The following CPNE5 variants were observed in gnomAD, a reference collection of about 807,000 sequenced individuals.
The protein encoded by CPNE5 is copine 5.
In CPNE5, 42 loss-of-function variants were observed where a neutral mutation model predicts 81.1. The observed-to-expected ratio is 0.52, with a 90% CI of 0.40 to 0.67. The LOEUF (loss-of-function observed/expected upper bound fraction) is 0.67, where lower values mean the gene tolerates loss of function less well. Ranked by LOEUF, CPNE5 falls within the 30% of genes least tolerant of loss-of-function variation. The probability of loss-of-function intolerance (pLI) is 0.00; values close to 1 mark genes in which losing one functional copy is unlikely to be tolerated. For synonymous variants in CPNE5, 313 were observed against 321.5 expected, an observed-to-expected ratio of 0.97 and a Z score of 0.28; for missense variants, 612 against 815.5, an observed-to-expected ratio of 0.75 and a Z score of 3.04.
chr6:36,818,318 C>T (rs1293632404), intron 3 of CPNE5, among the ~76,000 whole-genome samples: 1 of 152,220 alleles, frequency 6.6e-6, no homozygotes, highest in East Asian at 1.9e-4. Flanking sequence ...CCCTTCTCGT[C>T]GTTTCCCGTT....
At chr6:36,787,008 A>G (rs1768615270) in intron 8 of CPNE5, among the ~76,000 whole-genome samples, 1 of 152,208 alleles carries the variant, frequency 6.6e-6, no homozygotes, top group African/African-American at 2.4e-5. Context: ...AAGACCAAAA[A>G]AATTCAAACT....
intron 12 of CPNE5, among the ~76,000 whole-genome samples, chr6:36,762,271 T>TACACACACACGCAC (rs932029940): frequency 2.1e-5 from 3 of 140,938 alleles, no homozygotes; most frequent in African/African-American, 5.4e-5. Context: ...TGCACACGCA[T>TACACACACACGCAC]ACACACACAC....
rs948199926 is a variant in CPNE5, at chr6:36,741,335, G to A, written c.*933C>T. On this transcript the variant is annotated 3_prime_UTR_variant, in exon 21 of 21. Coordinates refer to ENST00000244751, the MANE Select transcript of CPNE5 (RefSeq NM_020939.2). ...CCCAAAAGGTAGAAGGGCCTTGCTTGGGTTCCCACATTAGGCAGTGGGGGG... is the reference window on the plus strand; with the variant it reads ...CCCAAAAGGTAGAAGGGCCTTGCTTAGGTTCCCACATTAGGCAGTGGGGGG... 1 of 150,296 alleles carries A rather than the reference G, an allele frequency of 6.7e-6. No individual in the cohort carries two copies. Among genetic ancestry groups the A allele is most frequent in the Admixed American group, 6.7e-5 (1 of 14,970 alleles). 9.3% of individuals were successfully genotyped at this position (150,296 alleles called of 1,614,324 possible). A position where few individuals can be genotyped will look rare whatever the true frequency, so the allele number is the denominator to read the frequency against.
At chr6:36,827,398 G>A (rs1024027242) in intron 1 of CPNE5, 24 of 985,364 alleles carry the variant, frequency 2.4e-5, no homozygotes, top group African/African-American at 8.7e-5. Flanking sequence ...CCCCTGCCCC[G>A]GGGTATAAAA....
chr6:36,807,759 G>A (rs1180431381), intron 3 of CPNE5, among the ~76,000 whole-genome samples: 1 of 152,104 alleles, frequency 6.6e-6, no homozygotes. Context: ...CTGGCCCTTT[G>A]CTCGAACAAA....
At chr6:36,771,298 A>G (rs1001113100) in intron 10 of CPNE5, among the ~76,000 whole-genome samples, 6 of 152,192 alleles carry the variant, frequency 3.9e-5, no homozygotes, top group Non-Finnish European at 8.8e-5. Context: ...ATAGGGATTA[A>G]CAACACAGAA....
At chr6:36,811,142 C>T (rs1402968407) in intron 3 of CPNE5, among the ~76,000 whole-genome samples, 1 of 152,202 alleles carries the variant, frequency 6.6e-6, no homozygotes, top group African/African-American at 2.4e-5. Flanking sequence ...AAAACACTCT[C>T]CACCACCTTG....
chr6:36,786,012 CAA>C (rs36060316), intron 8 of CPNE5, among the ~76,000 whole-genome samples: 301 of 83,816 alleles, frequency 3.6e-3, no homozygotes, highest in East Asian at 0.014. Context: ...GACTCCGTCT[CAA>C]AAAAAAAAAA....
chr6:36,813,906 G>C (rs1021829958), intron 3 of CPNE5, among the ~76,000 whole-genome samples: 2 of 152,212 alleles, frequency 1.3e-5, no homozygotes, highest in African/African-American at 4.8e-5. Flanking sequence ...GTAGATTGCG[G>C]TTAATATTTC....
intron 3 of CPNE5, among the ~76,000 whole-genome samples, chr6:36,807,581 T>C (rs1582962682): frequency 6.6e-6 from 1 of 152,172 alleles, no homozygotes; most frequent in South Asian, 2.1e-4. Flanking sequence ...ATGCTCCCAG[T>C]CCTACCACTA....
At chr6:36,745,598 A>T in intron 16 of CPNE5, 83 bp from the exon 17 acceptor site, 1 of 1,435,758 alleles carries the variant, frequency 7.0e-7, no homozygotes, top group Non-Finnish European at 9.4e-7. Flanking sequence ...CCAGGTGGGG[A>T]GGCCAGCAGG....
At chr6:36,785,733 C>T (rs895425975) in intron 8 of CPNE5, among the ~76,000 whole-genome samples, 1 of 152,036 alleles carries the variant, frequency 6.6e-6, no homozygotes, top group African/African-American at 2.4e-5. Flanking sequence ...AAAATTTAGG[C>T]CTGACGCTGT....
intron 1 of CPNE5, among the ~76,000 whole-genome samples, chr6:36,832,866 G>A (rs1225941053): frequency 6.6e-6 from 1 of 152,110 alleles, no homozygotes; most frequent in African/African-American, 2.4e-5. Flanking sequence ...GTCTAAACAG[G>A]GTGAACTGTG....
intron 13 of CPNE5, among the ~76,000 whole-genome samples, chr6:36,753,679 C>G (rs1765086369): frequency 6.6e-6 from 1 of 152,190 alleles, no homozygotes. Context: ...CATCCTTTTC[C>G]CCAGAGGTAA....
intron 20 of CPNE5, among the ~76,000 whole-genome samples, chr6:36,743,465 A>G (rs956548194): frequency 6.6e-6 from 1 of 152,152 alleles, no homozygotes; most frequent in Non-Finnish European, 1.5e-5. Context: ...GGCACCCGCA[A>G]TGTTAGGAGT....
chr6:36,771,160 T>C (rs1223364565), intron 10 of CPNE5, among the ~76,000 whole-genome samples: 1 of 152,104 alleles, frequency 6.6e-6, no homozygotes, highest in Non-Finnish European at 1.5e-5. Context: ...CCAAGCAGCT[T>C]CCCTACCTCT....
At chr6:36,800,143 T>C (rs202004828) in intron 3 of CPNE5, 73 bp from the exon 4 acceptor site, 3 of 1,044,254 alleles carry the variant, frequency 2.9e-6, no homozygotes, top group Non-Finnish European at 4.3e-6. Flanking sequence ...GGGAGAGCAC[T>C]GGGCTCAGAG....
At chr6:36,808,492 G>A (rs1056408786) in intron 3 of CPNE5, among the ~76,000 whole-genome samples, 2 of 152,138 alleles carry the variant, frequency 1.3e-5, no homozygotes, top group Admixed American at 6.5e-5. Context: ...CCCGGCACGT[G>A]AGTCAACTCC....
At chr6:36,754,646 AC>A (rs1765225527) in intron 13 of CPNE5, 1 of 152,236 alleles carries the variant, frequency 6.6e-6, no homozygotes, top group African/African-American at 2.4e-5. Flanking sequence ...AAGTCAAGAG[AC>A]CTGGGCCTAG....
Sources: gnomAD v4.1 joint callset for allele counts (sites outside exome capture counted in the v4.1 genomes callset) on GRCh38, gnomAD v4.1.1 for gene constraint, MANE v1.5 for transcripts, NCBI Gene and HGNC (gene_info 2026-07-23, HGNC 2026-07-21) for gene names.